The following EPM2A variants were observed in gnomAD, a reference collection of about 807,000 sequenced individuals.
EPM2A encodes EPM2A glucan phosphatase, laforin, also known as laforin.
In EPM2A, 21 loss-of-function variants were observed where a neutral mutation model predicts 26.5. That is an observed-to-expected ratio of 0.79 (90% confidence interval 0.56 to 1.14). EPM2A has a LOEUF of 1.14. Among genes scored for constraint, EPM2A ranks in the 50% most tolerant of loss-of-function variants. EPM2A has a pLI of 0.00. For missense variants in EPM2A, 458 were observed against 440.8 expected (o/e 1.04, Z -0.35); for synonymous variants, 217 against 177.6 (o/e 1.22, Z -1.76).
intron 4 of EPM2A, among the ~76,000 whole-genome samples, chr6:145,411,797 T>C (rs1224217647): frequency 6.6e-6 from 1 of 151,972 alleles, no homozygotes; most frequent in East Asian, 1.9e-4. Flanking sequence ...TAGTATGGAG[T>C]AAAGTTGAGG....
At chr6:145,404,160 T>C (rs1778535174) in intron 4 of EPM2A, among the ~76,000 whole-genome samples, 1 of 152,072 alleles carries the variant, frequency 6.6e-6, no homozygotes, top group South Asian at 2.1e-4. Context: ...TATATCCTGG[T>C]TATGAATCCC....
rs187930476 is a variant in EPM2A at position 145,735,336 on chromosome 6, G to T, written c.163C>A (p.Gln55Lys). 25,704 of 1,383,174 alleles carry T rather than the reference G, an allele frequency of 0.019. 296 individuals are homozygous for T. The highest frequency in any genetic ancestry group is 0.022 in the Non-Finnish European group (23,060 of 1,060,696). The allele number at this position is 1,383,174 out of a possible 1,614,324, so 85.7% of individuals were successfully genotyped here. ...TCCCCGAGCCACAGGCCCGGCTCCT[G>T]CAGGGCCAGGGCCCCGTCGCCCGCC... ...TAAGDGALAL[Q>K]EPGLWLGEVE... is the part of the protein sequence containing the mutation. The change falls in exon 1 of 4, where the codon CAG becomes AAG. Residue 55 changes from glutamine to lysine, a missense_variant. Gln to Lys is a moderately conservative substitution (Grantham distance 53). Coordinates refer to ENST00000367519, the MANE Select transcript of EPM2A (RefSeq NM_005670.4).
At chr6:145,675,353 G>A (rs540023821) in intron 2 of EPM2A, among the ~76,000 whole-genome samples, 5 of 152,248 alleles carry the variant, frequency 3.3e-5, no homozygotes, top group African/African-American at 9.6e-5. Context: ...AAAGACCATC[G>A]ATGCTATGAA....
At chr6:145,404,096 AT>A (rs535244576) in intron 4 of EPM2A, among the ~76,000 whole-genome samples, 11 of 151,746 alleles carry the variant, frequency 7.2e-5, no homozygotes, top group East Asian at 1.9e-4. Flanking sequence ...TCTTTTGCCC[AT>A]TTTTTTTATC....
At chr6:145,672,572 C>T (rs902796791) in intron 2 of EPM2A, among the ~76,000 whole-genome samples, 3 of 152,192 alleles carry the variant, frequency 2.0e-5, no homozygotes, top group Non-Finnish European at 4.4e-5. Context: ...TAAGAAGCAG[C>T]CAGATGCCAG....
At chr6:145,446,033 A>C (rs1369074574) in intron 4 of EPM2A, among the ~76,000 whole-genome samples, 4 of 152,220 alleles carry the variant, frequency 2.6e-5, no homozygotes, top group African/African-American at 9.6e-5. Context: ...TAGAGAGGCC[A>C]TACAAAGTTG....
intron 2 of EPM2A, among the ~76,000 whole-genome samples, chr6:145,530,995 T>A (rs960237728): frequency 1.3e-5 from 2 of 152,178 alleles, no homozygotes; most frequent in Admixed American, 6.5e-5. Flanking sequence ...TCTCTATAGC[T>A]AATTGCTCAT....
At chr6:145,417,206 C>T (rs145058178) in intron 4 of EPM2A, among the ~76,000 whole-genome samples, 1 of 152,324 alleles carries the variant, frequency 6.6e-6, no homozygotes, top group East Asian at 1.9e-4. Flanking sequence ...CCTTAGCTGG[C>T]TCCTACTTAG....
At chr6:145,595,543 C>A (rs1314644063) in intron 2 of EPM2A, among the ~76,000 whole-genome samples, 2 of 151,800 alleles carry the variant, frequency 1.3e-5, no homozygotes, top group African/African-American at 4.8e-5. Flanking sequence ...ACACTCTTTT[C>A]ATAGACTTTG....
At chr6:145,673,718 G>T (rs754841190) in intron 2 of EPM2A, among the ~76,000 whole-genome samples, 2 of 152,266 alleles carry the variant, frequency 1.3e-5, no homozygotes, top group East Asian at 3.9e-4. Context: ...CAGCCTGGTG[G>T]GGGGAGGGGA....
intron 2 of EPM2A, chr6:145,670,996 A>C: frequency 2.0e-6 from 2 of 984,512 alleles, no homozygotes; most frequent in South Asian, 9.4e-5. Context: ...CTTAAGATTT[A>C]AAAGAATCTC....
At chr6:145,419,422 G>A (rs1778753688) in intron 4 of EPM2A, among the ~76,000 whole-genome samples, 1 of 152,094 alleles carries the variant, frequency 6.6e-6, no homozygotes, top group South Asian at 2.1e-4. Flanking sequence ...TAAAGCACAG[G>A]CAGATGGAAA....
chr6:145,723,851 A>C (rs553427188), intron 1 of EPM2A, among the ~76,000 whole-genome samples: 2 of 152,288 alleles, frequency 1.3e-5, no homozygotes, highest in South Asian at 4.1e-4. Context: ...ATAAATCTGC[A>C]TAAAAGTTTC....
At chr6:145,427,272 G>A (rs942569929) in intron 4 of EPM2A, among the ~76,000 whole-genome samples, 1 of 152,182 alleles carries the variant, frequency 6.6e-6, no homozygotes, top group South Asian at 2.1e-4. Context: ...TGGAGTCTGT[G>A]GGGAGGGAAG....
intron 4 of EPM2A, among the ~76,000 whole-genome samples, chr6:145,478,441 T>G (rs769730736): frequency 2.6e-5 from 4 of 151,824 alleles, no homozygotes; most frequent in African/African-American, 9.7e-5. Context: ...AAAATGTATA[T>G]GGAACCACGA....
intron 2 of EPM2A, among the ~76,000 whole-genome samples, chr6:145,677,556 C>T (rs938711962): frequency 6.6e-6 from 1 of 152,184 alleles, no homozygotes; most frequent in Admixed American, 6.5e-5. Context: ...CCCAAATCTC[C>T]TTAAGCTGAT....
chr6:145,495,571 C>CTTTATTTA (rs150332808), intron 4 of EPM2A, among the ~76,000 whole-genome samples: 13 of 151,876 alleles, frequency 8.6e-5, no homozygotes, highest in South Asian at 6.3e-4. Context: ...TATGCGGATG[C>CTTTATTTA]TTTATTTATT....
chr6:145,627,155 C>G lies in EPM2A; in HGVS notation c.*261G>C, dbSNP rs1171004466. 2 of 1,377,838 alleles carry G rather than the reference C, an allele frequency of 1.5e-6. No homozygotes were observed. The highest frequency in any genetic ancestry group is 5.8e-5 in the East Asian group (2 of 34,524). 85.4% of individuals were successfully genotyped at this position (1,377,838 alleles called of 1,614,324 possible). A position where few individuals can be genotyped will look rare whatever the true frequency, so the allele number is the denominator to read the frequency against. Reference sequence around the variant, plus strand: ...GCCTGCAGGCAGCAGGAACTGCACGCATTACCCTTCTGTCTGATGTACAGC... The same window carrying G: ...GCCTGCAGGCAGCAGGAACTGCACGGATTACCCTTCTGTCTGATGTACAGC... On this transcript the variant is annotated 3_prime_UTR_variant, in exon 4 of 4. Coordinates refer to ENST00000367519, the MANE Select transcript of EPM2A (RefSeq NM_005670.4).
intron 1 of EPM2A, among the ~76,000 whole-genome samples, chr6:145,699,863 G>C (rs1278388223): frequency 1.3e-5 from 2 of 152,094 alleles, no homozygotes; most frequent in Admixed American, 1.3e-4. Context: ...TTTCAAAATA[G>C]GAAGCATTTC....
Sources: allele counts gnomAD v4.1 joint callset (sites outside exome capture counted in the v4.1 genomes callset), GRCh38; gene constraint gnomAD v4.1.1; transcripts MANE v1.5; gene names NCBI Gene and HGNC (gene_info 2026-07-23, HGNC 2026-07-21).